The following RALGPS1 variants were observed in gnomAD, a reference collection of about 807,000 sequenced individuals.
RALGPS1 encodes the protein ras-specific guanine nucleotide-releasing factor RalGPS1.
A neutral mutation model predicts 78.8 loss-of-function variants in RALGPS1; 19 were observed. That is an observed-to-expected ratio of 0.24 (90% CI 0.17 to 0.35). The LOEUF is 0.35. Ranked by LOEUF, RALGPS1 falls within the 10% of genes least tolerant of loss-of-function variation. The pLI, the probability that RALGPS1 is intolerant of heterozygous loss-of-function variation, is 1.00. For missense variants in RALGPS1, 454 were observed against 688.3 expected, an observed-to-expected ratio of 0.66 and a Z score of 3.81; for synonymous variants, 228 against 256.3, an observed-to-expected ratio of 0.89 and a Z score of 1.06.
intron 1 of RALGPS1, among the ~76,000 whole-genome samples, chr9:126,928,333 A>C (rs2035488446): frequency 6.6e-6 from 1 of 152,174 alleles, no homozygotes; most frequent in African/African-American, 2.4e-5. Context: ...ACCAGGACTG[A>C]CCATCGTGGT....
At chr9:127,113,062 G>A (rs2055010092) in intron 8 of RALGPS1, among the ~76,000 whole-genome samples, 1 of 152,188 alleles carries the variant, frequency 6.6e-6, no homozygotes, top group Non-Finnish European at 1.5e-5. Context: ...CACCTCTGTG[G>A]GGCCTAGGCT....
chr9:126,989,774 TA>T, intron 4 of RALGPS1: 1 of 1,390,838 alleles, frequency 7.2e-7, no homozygotes, highest in South Asian at 1.5e-5. Flanking sequence ...ATAAAATACA[TA>T]TTCCTGTGGG....
intron 6 of RALGPS1, among the ~76,000 whole-genome samples, chr9:127,052,182 T>C (rs762729379): frequency 5.9e-5 from 9 of 152,208 alleles, no homozygotes; most frequent in Non-Finnish European, 1.2e-4. Flanking sequence ...CCAAACTTCA[T>C]TGACTCCCAA....
intron 5 of RALGPS1, among the ~76,000 whole-genome samples, chr9:127,048,165 A>G (rs2047981277): frequency 6.6e-6 from 1 of 151,842 alleles, no homozygotes; most frequent in African/African-American, 2.4e-5. Context: ...TCCTCACCAC[A>G]CACCCAATCT....
At chr9:127,155,069 T>C (rs974214482) in intron 8 of RALGPS1, among the ~76,000 whole-genome samples, 1 of 152,236 alleles carries the variant, frequency 6.6e-6, no homozygotes, top group Admixed American at 6.5e-5. Flanking sequence ...TATGAGTATT[T>C]AGCTTGCGGA....
At chr9:126,962,419 C>G (rs1351852236) in intron 2 of RALGPS1, 73 bp downstream of exon 2, 4 of 1,484,872 alleles carry the variant, frequency 2.7e-6, no homozygotes, top group Admixed American at 1.7e-5. Context: ...CCAGCTGAGC[C>G]TTGGACAGCG....
At chr9:126,936,533 A>AT (rs1012923283) in intron 1 of RALGPS1, among the ~76,000 whole-genome samples, 160 of 148,912 alleles carry the variant, frequency 1.1e-3, no homozygotes, top group African/African-American at 3.4e-3. Flanking sequence ...TTTATTTATT[A>AT]TTTTTTTTTT....
Position 127,049,981 on chromosome 9 carries a change from G to A in RALGPS1, c.301-62G>A, listed in dbSNP as rs986833041. 3 of 1,232,018 alleles carry A rather than the reference G, an allele frequency of 2.4e-6. No homozygotes were observed. In the African/African-American group the frequency reaches 4.5e-5, roughly 18 times the overall value. 76.3% of individuals were successfully genotyped at this position (1,232,018 alleles called of 1,614,324 possible). A position where few individuals can be genotyped will look rare whatever the true frequency, so the allele number is the denominator to read the frequency against. The stretch of plus-strand genomic sequence containing the variant: ...GCGGTGGGCAAGGGGGACACGGGTG[G>A]TCCAGCAATTAACAACTTTTCTGGT... On this transcript the variant is annotated intron_variant, in intron 5 of 18. Coordinates refer to ENST00000259351, the MANE Select transcript of RALGPS1 (RefSeq NM_014636.3).
At chr9:126,996,355 C>T (rs1046617915) in intron 4 of RALGPS1, among the ~76,000 whole-genome samples, 2 of 152,058 alleles carry the variant, frequency 1.3e-5, no homozygotes, top group African/African-American at 4.8e-5. Flanking sequence ...GGGATATCAC[C>T]ACTGATCCCA....
At chr9:127,003,433 G>T (rs143224809) in intron 4 of RALGPS1, among the ~76,000 whole-genome samples, 1,611 of 152,082 alleles carry the variant, frequency 0.011, 24 homozygotes, top group Non-Finnish European at 0.016. Context: ...CATTTATGTA[G>T]CCAAAAAACA....
At chr9:126,981,298 G>C (rs1297635830) in intron 4 of RALGPS1, among the ~76,000 whole-genome samples, 3 of 152,206 alleles carry the variant, frequency 2.0e-5, no homozygotes, top group African/African-American at 7.2e-5. Context: ...TGTGGTCAAG[G>C]ACATTTGCTT....
intron 4 of RALGPS1, among the ~76,000 whole-genome samples, chr9:127,031,324 G>A (rs1420530998): frequency 6.6e-6 from 1 of 152,212 alleles, no homozygotes; most frequent in African/African-American, 2.4e-5. Context: ...AATCCTGTAA[G>A]ACCAAACACA....
chr9:126,990,752 TAA>T (rs2042213224), intron 4 of RALGPS1, among the ~76,000 whole-genome samples: 1 of 152,226 alleles, frequency 6.6e-6, no homozygotes, highest in African/African-American at 2.4e-5. Context: ...TTACGACTTT[TAA>T]AAGTTTGAAT....
intron 11 of RALGPS1, among the ~76,000 whole-genome samples, chr9:127,189,314 C>T (rs1387665205): frequency 6.6e-6 from 1 of 152,140 alleles, no homozygotes; most frequent in Non-Finnish European, 1.5e-5. Flanking sequence ...ACTCGTAGAC[C>T]CATCAGCTGG....
At chr9:127,135,044 G>C (rs2057299436) in intron 8 of RALGPS1, among the ~76,000 whole-genome samples, 1 of 152,168 alleles carries the variant, frequency 6.6e-6, no homozygotes, top group Non-Finnish European at 1.5e-5. Flanking sequence ...GCCTGGGACA[G>C]ACTGCTGCCT....
chr9:126,919,507 G>T (rs1175323324), intron 1 of RALGPS1, among the ~76,000 whole-genome samples: 1 of 152,204 alleles, frequency 6.6e-6, no homozygotes, highest in African/African-American at 2.4e-5. Flanking sequence ...GTCCAGCTCT[G>T]TCACTTACTG....
At chr9:127,060,942 G>A (rs763741642) in intron 7 of RALGPS1, among the ~76,000 whole-genome samples, 5 of 152,264 alleles carry the variant, frequency 3.3e-5, no homozygotes, top group East Asian at 1.9e-4. Flanking sequence ...TTGTCAGCCA[G>A]TCTTTAACCA....
rs779836653 is a variant in RALGPS1 at position 127,174,717 on chromosome 9, T to A, written c.845T>A (p.Leu282Gln). 6.2e-7 allele frequency: 1 copy of A among 1,614,092 alleles called. No homozygotes were observed. Among genetic ancestry groups the A allele is most frequent in the Admixed American group, 1.7e-5 (1 of 60,030 alleles). The change falls in exon 11 of 19, where the codon CTG (leucine) becomes CAG (glutamine). Residue 282 changes from leucine to glutamine, a missense_variant and splice_region_variant. Leu to Gln is a moderately radical substitution (Grantham distance 113). Coordinates refer to ENST00000259351, the MANE Select transcript of RALGPS1 (RefSeq NM_014636.3). ...QKFVEDDNYK[L>Q]SLRIEPGSSS... is the part of the protein sequence containing the mutation. ...CTTATGAAAATCTTTGTTTTCAGAC[T>A]GTCGCTCAGAATCGAACCAGGAAGC...
At chr9:127,202,731 G>C (rs2140833510) in intron 14 of RALGPS1, among the ~76,000 whole-genome samples, 1 of 152,290 alleles carries the variant, frequency 6.6e-6, no homozygotes, top group Admixed American at 6.5e-5. Flanking sequence ...TCCTGGGCCA[G>C]GGCCCTCAGG....
Sources: allele counts gnomAD v4.1 joint callset (sites outside exome capture counted in the v4.1 genomes callset), GRCh38; gene constraint gnomAD v4.1.1; transcripts MANE v1.5; gene names NCBI Gene and HGNC (gene_info 2026-07-23, HGNC 2026-07-21).